FOCAD: variants seen among roughly 807,000 people sequenced by gnomAD.
FOCAD encodes the protein KIAA1797.
FOCAD carries 198 observed loss-of-function variants against 225.6 expected under a neutral mutation model. That is an observed-to-expected ratio of 0.88 (90% CI 0.78 to 0.99). The LOEUF (loss-of-function observed/expected upper bound fraction) is 0.99, where lower values mean the gene tolerates loss of function less well. Ranked by LOEUF, FOCAD falls within the 50% of genes least tolerant of loss-of-function variation. The pLI, the probability that FOCAD is intolerant of heterozygous loss-of-function variation, is 0.00. For missense variants in FOCAD, 2,713 were observed against 2,123.6 expected (o/e 1.28, Z -5.46); for synonymous variants, 897 against 755.0 (o/e 1.19, Z -3.08).
At chr9:20,813,003 C>T (rs1823251839) in intron 11 of FOCAD, among the ~76,000 whole-genome samples, 1 of 152,016 alleles carries the variant, frequency 6.6e-6, no homozygotes, top group Non-Finnish European at 1.5e-5. Context: ...ACTCTATACT[C>T]ATTGAACAGT....
intron 11 of FOCAD, among the ~76,000 whole-genome samples, chr9:20,792,900 A>G (rs940077526): frequency 3.9e-5 from 6 of 152,216 alleles, no homozygotes; most frequent in South Asian, 2.1e-4. Context: ...GTCAAAAGCC[A>G]TATTTTAACA....
chr9:20,934,504 A>G (rs1020696187), intron 28 of FOCAD, among the ~76,000 whole-genome samples: 33 of 148,642 alleles, frequency 2.2e-4, no homozygotes, highest in Admixed American at 1.5e-3. Context: ...GGTGTCCTTT[A>G]CCCACTTGAT....
chr9:20,869,200 C>G (rs1829550107), intron 18 of FOCAD, among the ~76,000 whole-genome samples: 1 of 152,066 alleles, frequency 6.6e-6, no homozygotes, highest in Non-Finnish European at 1.5e-5. Flanking sequence ...AGACATTACT[C>G]TGCACTAAGG....
intron 15 of FOCAD, among the ~76,000 whole-genome samples, chr9:20,849,505 T>G (rs1453684629): frequency 1.3e-5 from 2 of 151,970 alleles, no homozygotes; most frequent in East Asian, 3.9e-4. Flanking sequence ...AATAGCTCAC[T>G]TACACTTGTG....
At position 20,830,412 on chromosome 9, in the gene FOCAD, A is replaced by G. The variant is rs201495134; in HGVS notation, c.1920+7297A>G. Among the ~76,000 whole-genome samples the G allele has an allele frequency of 2.0e-5, 3 of 152,106 alleles. No homozygotes were observed. The East Asian group carries it at 5.8e-4, about 29-fold the overall frequency. ...ATTTCCAAAGATGTTAGGTTTTTAA[A>G]GCATCACATTTACTTTGGGTAATGA... On this transcript the variant is annotated intron_variant, in intron 15 of 43. Transcript: ENST00000338382.
chr9:20,723,520 G>C (rs536978451), intron 4 of FOCAD, among the ~76,000 whole-genome samples: 5 of 152,156 alleles, frequency 3.3e-5, no homozygotes, highest in Non-Finnish European at 5.9e-5. Context: ...GTGTTTTTTT[G>C]AATAGATAAT....
At chr9:20,680,940 GT>G (rs1246162172), upstream of FOCAD, among the ~76,000 whole-genome samples, 1 of 152,182 alleles carries the variant, frequency 6.6e-6, no homozygotes, top group Non-Finnish European at 1.5e-5. Context: ...TGAGGCTGCA[GT>G]GAGCTATGAT....
intron 2 of FOCAD, among the ~76,000 whole-genome samples, chr9:20,663,691 G>A (rs1328863668): frequency 6.6e-6 from 1 of 152,124 alleles, no homozygotes; most frequent in African/African-American, 2.4e-5. Flanking sequence ...ATTCTTGTGT[G>A]AGGAAAACAA....
chr9:20,700,534 TA>T (rs111933515), intron 1 of FOCAD, among the ~76,000 whole-genome samples: 578 of 140,726 alleles, frequency 4.1e-3, no homozygotes, highest in East Asian at 5.1e-3. Flanking sequence ...TTCGCCTAGT[TA>T]AAAAAAAAAA....
At chr9:20,787,416 G>A (rs556111378) in intron 10 of FOCAD, among the ~76,000 whole-genome samples, 2 of 152,216 alleles carry the variant, frequency 1.3e-5, no homozygotes, top group South Asian at 4.2e-4. Flanking sequence ...TAGAAAAATT[G>A]CATAATGGCT....
intron 35 of FOCAD, among the ~76,000 whole-genome samples, chr9:20,966,550 T>C (rs1839273700): frequency 6.6e-6 from 1 of 152,154 alleles, no homozygotes. Context: ...TTTTCTTTTG[T>C]TGCTCAGGTT....
intron 5 of FOCAD, among the ~76,000 whole-genome samples, chr9:20,747,776 A>C (rs1587002444): frequency 7.4e-6 from 1 of 135,984 alleles, no homozygotes; most frequent in Admixed American, 7.3e-5. Flanking sequence ...ATAAAATTTT[A>C]TTTATCTTGG....
chr9:20,929,187 G>C (rs576281145), intron 26 of FOCAD, 171 bp from the exon 27 acceptor site: 121 of 552,520 alleles, frequency 2.2e-4, no homozygotes, highest in African/African-American at 1.8e-3. Flanking sequence ...CATTAATAAT[G>C]AAAACATAAT....
chr9:20,664,503 T>C (rs1392802943), intron 2 of FOCAD, among the ~76,000 whole-genome samples: 4 of 151,838 alleles, frequency 2.6e-5, no homozygotes, highest in African/African-American at 9.7e-5. Context: ...GAAGAGTTTA[T>C]AAGTTTATAA....
intron 15 of FOCAD, among the ~76,000 whole-genome samples, chr9:20,860,997 C>A (rs1349751187): frequency 1.3e-5 from 2 of 152,024 alleles, no homozygotes; most frequent in Admixed American, 1.3e-4. Context: ...TTTTGTTTGA[C>A]TTTTGCTTTC....
intron 21 of FOCAD, among the ~76,000 whole-genome samples, chr9:20,899,946 C>T (rs934566565): frequency 4.6e-5 from 7 of 151,878 alleles, no homozygotes; most frequent in African/African-American, 1.4e-4. Flanking sequence ...TGGCCTCTCT[C>T]TCTGCTCCTC....
chr9:20,701,495 T>C (rs1431948336), intron 1 of FOCAD, among the ~76,000 whole-genome samples: 1 of 152,122 alleles, frequency 6.6e-6, no homozygotes, highest in Non-Finnish European at 1.5e-5. Flanking sequence ...GATTATTTAC[T>C]TATTTAAAAA....
chr9:20,854,914 TAAAA>T (rs1265050035), intron 15 of FOCAD, among the ~76,000 whole-genome samples: 1 of 151,806 alleles, frequency 6.6e-6, no homozygotes, highest in African/African-American at 2.4e-5. Flanking sequence ...ATTCCTAATC[TAAAA>T]ACCACTGCAT....
intron 25 of FOCAD, among the ~76,000 whole-genome samples, chr9:20,925,981 A>G (rs1014626314): frequency 1.3e-5 from 2 of 152,306 alleles, no homozygotes; most frequent in South Asian, 2.1e-4. Flanking sequence ...TTTAACCTCC[A>G]TATTATCTTC....
Sources: allele counts gnomAD v4.1 joint callset (sites outside exome capture counted in the v4.1 genomes callset), GRCh38; gene constraint gnomAD v4.1.1; transcripts MANE v1.5; gene names NCBI Gene and HGNC (gene_info 2026-07-23, HGNC 2026-07-21).